Variants in SLC32A1 observed in about 807,000 individuals in gnomAD.
SLC32A1 encodes the protein vesicular inhibitory amino acid transporter.
In SLC32A1, 8 loss-of-function variants were observed where a neutral mutation model predicts 35.5. The ratio of observed to expected loss-of-function variants is 0.23; its 90% CI spans 0.13 to 0.41. The LOEUF (loss-of-function observed/expected upper bound fraction) is 0.41, where lower values mean the gene tolerates loss of function less well. Ranked by LOEUF, SLC32A1 falls within the 10% of genes least tolerant of loss-of-function variation. The pLI is 1.00. For missense variants in SLC32A1, 493 were observed against 722.3 expected (o/e 0.68, Z 3.64); for synonymous variants, 317 against 326.3 (o/e 0.97, Z 0.31).
chr20:38,724,958 C>G lies in SLC32A1; in HGVS notation c.234C>G (p.Pro78=). ...GCGGGGACGAGGGCGCTGAAGCGCC[C>G]GTCGAGGGAGACATCCATTATCAGC... ...EPCGDEGAEA[P]VEGDIHYQRG... is the part of the protein sequence containing the mutation. Residue 78 remains proline, a synonymous_variant, in exon 1 of 2, where the codon CCC becomes CCG. Coordinates refer to ENST00000217420, the MANE Select transcript of SLC32A1 (RefSeq NM_080552.3). 2 of 1,605,100 alleles carry G rather than the reference C, an allele frequency of 1.2e-6. No homozygotes were observed. Among genetic ancestry groups the G allele is most frequent in the South Asian group, 1.1e-5 (1 of 90,366 alleles).
Position 38,726,003 on chromosome 20 carries a change from A to G in SLC32A1, c.390+889A>G, listed in dbSNP as rs1396271339. Among the ~76,000 whole-genome samples, 1 of 152,092 alleles carries G rather than the reference A, an allele frequency of 6.6e-6. No individual in the cohort carries two copies. The highest frequency in any genetic ancestry group is 2.4e-5 in the African/African-American group (1 of 41,426). On this transcript the variant is annotated intron_variant, in intron 1 of 1. Transcript: ENST00000217420. The surrounding 1 kb of genome is among the most constrained non-coding windows in gnomAD (Gnocchi z 4.7). ...GTGTGACCCTGGCGAAGCCCTCTCCAGAGGCTAAGAATGGCCCCTGCTCTC... is the reference window on the plus strand; with the variant it reads ...GTGTGACCCTGGCGAAGCCCTCTCCGGAGGCTAAGAATGGCCCCTGCTCTC...
chr20:38,727,382 G>T, intron 1 of SLC32A1, 70 bp from the exon 2 acceptor site: 1 of 1,459,980 alleles, frequency 6.8e-7, no homozygotes, highest in Middle Eastern at 2.0e-4. Flanking sequence ...GTTAAGCCAC[G>T]CCCCCCGGGC....
In SLC32A1 at chr20:38,728,459, C is replaced by T. The variant is rs1465320520; in HGVS notation, c.1398C>T (p.Ala466=). The T allele has an allele frequency of 6.2e-6, 10 of 1,612,570 alleles. No individual in the cohort carries two copies. Among genetic ancestry groups the T allele is most frequent in the Non-Finnish European group, 6.8e-6 (8 of 1,179,736 alleles). Residue 466 remains alanine, a synonymous_variant, in exon 2 of 2, where the codon GCC becomes GCT. Transcript: ENST00000217420. ...GCCTCACCGGCAGCCTCACGGGCGCCGGCCTCTGTTTCTTGCTGCCCAGCC... is the reference window on the plus strand; with the variant it reads ...GCCTCACCGGCAGCCTCACGGGCGCTGGCCTCTGTTTCTTGCTGCCCAGCC... ...LMGLTGSLTG[A]GLCFLLPSLF... is the part of the protein sequence containing the mutation.
At position 38,724,580 on chromosome 20, in the gene SLC32A1, G is replaced by A; in HGVS notation, c.-145G>A. On this transcript the variant is annotated 5_prime_UTR_variant, in exon 1 of 2. Transcript: ENST00000217420. ...TGAGAGAGCCTCGAACGCCAGCTGC[G>A]AGGGTCATGAGCCAGAGAGCCCCGG... The A allele has an allele frequency of 2.0e-6, 2 of 1,012,572 alleles. No homozygotes were observed. Among genetic ancestry groups the A allele is most frequent in the Non-Finnish European group, 1.4e-6 (1 of 714,272 alleles). 62.7% of individuals were successfully genotyped at this position (1,012,572 alleles called of 1,614,324 possible). A position where few individuals can be genotyped will look rare whatever the true frequency, so the allele number is the denominator to read the frequency against.
rs2084275392 is a variant in SLC32A1, at chr20:38,726,203, C to A, written c.390+1089C>A. 6.6e-6 allele frequency among the ~76,000 whole-genome samples: 1 copy of A among 152,212 alleles called. No homozygotes were observed. Among genetic ancestry groups the A allele is most frequent in the Non-Finnish European group, 1.5e-5 (1 of 68,036 alleles). On this transcript the variant is annotated intron_variant, in intron 1 of 1. Coordinates refer to ENST00000217420, the MANE Select transcript of SLC32A1 (RefSeq NM_080552.3). This position sits in a 1 kb window ranked among gnomAD's most constrained non-coding sequence, Gnocchi z 4.7. The stretch of plus-strand genomic sequence containing the variant: ...TCTAGGCAACCCCGGTCCCTTACAG[C>A]TTGGCCCCGCGGCGTCCCTGGAGCG...
In SLC32A1 at chr20:38,726,559, A is replaced by G. The variant is rs1019389479; in HGVS notation, c.391-893A>G. ...CTCTTAGTCCCCGTGTGGATTCTAAACCCTACAGCCCTGTCCGCCTGACCC... is the reference window on the plus strand; with the variant it reads ...CTCTTAGTCCCCGTGTGGATTCTAAGCCCTACAGCCCTGTCCGCCTGACCC... On this transcript the variant is annotated intron_variant, in intron 1 of 1. Transcript: ENST00000217420. The surrounding 1 kb of genome is among the most constrained non-coding windows in gnomAD (Gnocchi z 4.7). 4.6e-5 allele frequency among the ~76,000 whole-genome samples: 7 copies of G among 151,936 alleles called. No individual in the cohort carries two copies. Among genetic ancestry groups the G allele is most frequent in the Non-Finnish European group, 8.8e-5 (6 of 67,932 alleles).
chr20:38,727,413 C>G, intron 1 of SLC32A1, 39 bp from the exon 2 acceptor site: 2 of 1,582,554 alleles, frequency 1.3e-6, no homozygotes, highest in Non-Finnish European at 1.7e-6. Context: ...TTGCCAAGTT[C>G]GCTGAGCGTC....
At position 38,728,682 on chromosome 20, in the gene SLC32A1, T is replaced by A; in HGVS notation, c.*43T>A. On this transcript the variant is annotated 3_prime_UTR_variant, in exon 2 of 2. Transcript: ENST00000217420. ...CCGCCGCGCTTCTGCGCTCTCTCCCTTCTCCCCTCACCCCGCCCCCACCAG... is the reference window on the plus strand; with the variant it reads ...CCGCCGCGCTTCTGCGCTCTCTCCCATCTCCCCTCACCCCGCCCCCACCAG... 1.3e-6 allele frequency: 2 copies of A among 1,519,748 alleles called. No homozygotes were observed. Among genetic ancestry groups the A allele is most frequent in the Non-Finnish European group, 8.9e-7 (1 of 1,128,008 alleles). 94.1% of individuals were successfully genotyped at this position (1,519,748 alleles called of 1,614,324 possible). A position where few individuals can be genotyped will look rare whatever the true frequency, so the allele number is the denominator to read the frequency against.
In SLC32A1 at chr20:38,724,810, C is replaced by T. The variant is rs2084268103; in HGVS notation, c.86C>T (p.Ala29Val). ...KSQAKMSGMF[A>V]RMGFQAATDE... ...CAGGCCAAGATGAGCGGCATGTTCG[C>T]CAGGATGGGTTTTCAGGCGGCCACG... The change falls in exon 1 of 2, where the codon GCC becomes GTC. Residue 29 changes from alanine (A) to valine (V), a missense_variant. This residue lies in a region of SLC32A1 where 133 missense variants were observed against 145.9 expected (regional missense o/e 0.91). Transcript: ENST00000217420. The T allele has an allele frequency of 6.2e-7, 1 of 1,613,862 alleles. No homozygotes were observed.
In SLC32A1 at chr20:38,728,945, A is replaced by C; in HGVS notation, c.*306A>C. 6.9e-5 allele frequency: 21 copies of C among 302,338 alleles called. No individual in the cohort carries two copies. Among genetic ancestry groups the C allele is most frequent in the Non-Finnish European group, 9.8e-5 (16 of 163,628 alleles). 18.7% of individuals were successfully genotyped at this position (302,338 alleles called of 1,614,324 possible). ...GGGCCCCGACACTTTGGTTCCAGTCATCGAGGGGGTTGGGAAGGGAGGGAG... is the reference window on the plus strand; with the variant it reads ...GGGCCCCGACACTTTGGTTCCAGTCCTCGAGGGGGTTGGGAAGGGAGGGAG... On this transcript the variant is annotated 3_prime_UTR_variant, in exon 2 of 2. Transcript: ENST00000217420.
Position 38,727,441 on chromosome 20 carries a change from C to T in SLC32A1, c.391-11C>T. On this transcript the variant is annotated splice_polypyrimidine_tract_variant and intron_variant, in intron 1 of 1. Coordinates refer to ENST00000217420, the MANE Select transcript of SLC32A1 (RefSeq NM_080552.3). ...TGAGCGTCCGCGTCTGGTTGCCTCT[C>T]CGCCCCACAGGGCATGTTCGTGCTG... 6.2e-7 allele frequency: 1 copy of T among 1,600,316 alleles called. No homozygotes were observed. Among genetic ancestry groups the T allele is most frequent in the Non-Finnish European group, 8.5e-7 (1 of 1,173,648 alleles).
In SLC32A1 at chr20:38,724,966, G is replaced by T; in HGVS notation, c.242G>T (p.Gly81Val). Residue 81 changes from glycine to valine, a missense_variant, in exon 1 of 2, where the codon GGA becomes GTA. Physicochemically the swap from Gly to Val is moderately radical, Grantham distance 109. Coordinates refer to ENST00000217420, the MANE Select transcript of SLC32A1 (RefSeq NM_080552.3). ...GAGGGCGCTGAAGCGCCCGTCGAGG[G>T]AGACATCCATTATCAGCGAGGCAGC... is the stretch of plus-strand genomic sequence containing the variant. ...GDEGAEAPVE[G>V]DIHYQRGSGA... 1 of 1,603,446 alleles carries T rather than the reference G, an allele frequency of 6.2e-7. No individual in the cohort carries two copies. The highest frequency in any genetic ancestry group is 8.5e-7 in the Non-Finnish European group (1 of 1,174,516).
rs1245356549 is a variant in SLC32A1, at chr20:38,724,667, C to T, written c.-58C>T. The T allele has an allele frequency of 6.5e-7, 1 of 1,531,222 alleles. No homozygotes were observed. Among genetic ancestry groups the T allele is most frequent in the African/African-American group, 1.4e-5 (1 of 72,790 alleles). The allele number at this position is 1,531,222 out of a possible 1,614,324, so 94.9% of individuals were successfully genotyped here. A position where few individuals can be genotyped will look rare whatever the true frequency, so the allele number is the denominator to read the frequency against. On this transcript the variant is annotated 5_prime_UTR_variant, in exon 1 of 2. Coordinates refer to ENST00000217420, the MANE Select transcript of SLC32A1 (RefSeq NM_080552.3). Reference sequence around the variant, plus strand: ...GCGCCCCCCAGCCCTCGCCTTCTTGCATCGCGTTCCCCGCATCCTCGGGTC... The same window carrying T: ...GCGCCCCCCAGCCCTCGCCTTCTTGTATCGCGTTCCCCGCATCCTCGGGTC...
chr20:38,725,960 G>C (rs138124565), intron 1 of SLC32A1, among the ~76,000 whole-genome samples: 1 of 152,296 alleles, frequency 6.6e-6, no homozygotes, highest in African/African-American at 2.4e-5. Flanking sequence ...ACCGCAAAGA[G>C]GCGGCCAGCT....
chr20:38,727,747 T>C lies in SLC32A1; in HGVS notation c.686T>C (p.Met229Thr), dbSNP rs1165876096. The stretch of plus-strand genomic sequence containing the variant: ...TACGTGGTGGTGAGTGGCAACCTCA[T>C]GTACAACAGCTTCCCGGGGCTGCCC... ...ILYVVVSGNL[M>T]YNSFPGLPVS... is the part of the protein sequence containing the mutation. The change falls in exon 2 of 2, where the codon ATG becomes ACG. Residue 229 changes from methionine to threonine, a missense_variant. Met to Thr is a moderately conservative substitution (Grantham distance 81, BLOSUM62 -1). Around this residue, in one of 4 missense-constraint regions of SLC32A1, gnomAD observed 269 missense variants for 445.6 expected, o/e 0.60. Coordinates refer to ENST00000217420, the MANE Select transcript of SLC32A1 (RefSeq NM_080552.3). 4 of 1,614,088 alleles carry C rather than the reference T, an allele frequency of 2.5e-6. No homozygotes were observed. The highest frequency in any genetic ancestry group is 3.4e-6 in the Non-Finnish European group (4 of 1,180,054).
rs752767012 is a variant in SLC32A1 at position 38,724,833 on chromosome 20, A to G, written c.109A>G (p.Thr37Ala). The stretch of plus-strand genomic sequence containing the variant: ...CGCCAGGATGGGTTTTCAGGCGGCC[A>G]CGGATGAGGAGGCGGTGGGCTTCGC... ...MFARMGFQAA[T>A]DEEAVGFAHC... The change falls in exon 1 of 2, where the codon ACG (threonine) becomes GCG (alanine). Residue 37 changes from threonine to alanine, a missense_variant. Thr to Ala is a moderately conservative substitution (Grantham distance 58). Transcript: ENST00000217420. 1.9e-6 allele frequency: 3 copies of G among 1,613,952 alleles called. No individual in the cohort carries two copies. Among genetic ancestry groups the G allele is most frequent in the East Asian group, 2.2e-5 (1 of 44,878 alleles).
At chr20:38,725,152 C>T (rs778680704) in intron 1 of SLC32A1, 38 bp downstream of exon 1, 12 of 1,501,360 alleles carry the variant, frequency 8.0e-6, no homozygotes, top group African/African-American at 1.4e-5. Flanking sequence ...GTCCTCCCCC[C>T]TCCCAGCTCA....
At chr20:38,725,859 C>A (rs564792887) in intron 1 of SLC32A1, among the ~76,000 whole-genome samples, 38 of 152,346 alleles carry the variant, frequency 2.5e-4, no homozygotes, top group Admixed American at 3.3e-4. Context: ...CACGAAAGCA[C>A]ACACATGCTC....
rs985600235 is a variant in SLC32A1, at chr20:38,726,546, G to A, written c.391-906G>A. Among the ~76,000 whole-genome samples, 9 of 152,152 alleles carry A rather than the reference G, an allele frequency of 5.9e-5. No individual in the cohort carries two copies. The highest frequency in any genetic ancestry group is 1.0e-4 in the Non-Finnish European group (7 of 68,018). ...TGGATTTCGTTAGCTCTTAGTCCCC[G>A]TGTGGATTCTAAACCCTACAGCCCT... On this transcript the variant is annotated intron_variant, in intron 1 of 1. Transcript: ENST00000217420. This position sits in a 1 kb window ranked among gnomAD's most constrained non-coding sequence, Gnocchi z 4.7.
Sources: allele counts gnomAD v4.1 joint callset (sites outside exome capture counted in the v4.1 genomes callset), GRCh38; gene constraint gnomAD v4.1.1; regional missense constraint gnomAD v4.1.1; non-coding constraint Gnocchi (gnomAD v3.1); transcripts MANE v1.5; gene names NCBI Gene and HGNC (gene_info 2026-07-23, HGNC 2026-07-21).